TTC28: variants seen among roughly 807,000 people sequenced by gnomAD.
TTC28 encodes the protein tetratricopeptide repeat protein 28.
Under a neutral mutation model 198.0 loss-of-function variants are expected in TTC28, and 61 were observed. The observed-to-expected ratio is 0.31, with a 90% CI of 0.25 to 0.38. The LOEUF is 0.38. Among genes scored for constraint, TTC28 ranks in the 10% least tolerant of loss-of-function variants. The probability of loss-of-function intolerance (pLI) is 1.00; values close to 1 mark genes in which losing one functional copy is unlikely to be tolerated. For synonymous variants in TTC28, 1,171 were observed against 1,297.8 expected, an observed-to-expected ratio of 0.90 and a Z score of 2.10; for missense variants, 2,678 against 3,164.0, an observed-to-expected ratio of 0.85 and a Z score of 3.69.
chr22:28,439,413 G>A (rs927122150), intron 2 of TTC28, among the ~76,000 whole-genome samples: 1 of 152,172 alleles, frequency 6.6e-6, no homozygotes, highest in Non-Finnish European at 1.5e-5. Flanking sequence ...CAAAGCTCTG[G>A]CTAACATTCA....
rs1483670199 is a variant in TTC28 at position 28,108,108 on chromosome 22, G to T, written c.1737C>A (p.Asn579Lys). ...AHDRALQHYQ[N>K]HLNIARELRD... ...GTAGCTCCCGGGCGATGTTCAAGTGGTTCTGATAGTGTTGCAGGGCCCGGT... is the reference window on the plus strand; with the variant it reads ...GTAGCTCCCGGGCGATGTTCAAGTGTTTCTGATAGTGTTGCAGGGCCCGGT... Residue 579 changes from asparagine (N) to lysine (K), a missense_variant, in exon 7 of 23, where the codon AAC (asparagine) becomes AAA (lysine). Transcript: ENST00000397906. 3.9e-6 allele frequency: 6 copies of T among 1,551,694 alleles called. No individual in the cohort carries two copies. Among genetic ancestry groups the T allele is most frequent in the Non-Finnish European group, 5.2e-6 (6 of 1,146,986 alleles).
chr22:28,605,474 T>C (rs1486901066), intron 2 of TTC28, among the ~76,000 whole-genome samples: 2 of 152,220 alleles, frequency 1.3e-5, no homozygotes, highest in Admixed American at 6.5e-5. Context: ...CACTTCTTTG[T>C]GCCCTCTAAC....
At chr22:28,661,507 A>T (rs2051746565) in intron 1 of TTC28, among the ~76,000 whole-genome samples, 1 of 152,044 alleles carries the variant, frequency 6.6e-6, no homozygotes, top group African/African-American at 2.4e-5. Flanking sequence ...GTAGCTTGGA[A>T]CTACTGGGTT....
chr22:28,482,499 C>T (rs2048265373), intron 2 of TTC28, among the ~76,000 whole-genome samples: 1 of 151,682 alleles, frequency 6.6e-6, no homozygotes, highest in Admixed American at 6.6e-5. Context: ...TGAGCCACCG[C>T]GCCCGGCCAG....
chr22:28,163,045 C>T, intron 6 of TTC28, 47 bp downstream of exon 6: 2 of 1,487,616 alleles, frequency 1.3e-6, no homozygotes, highest in Non-Finnish European at 8.9e-7. Flanking sequence ...CAGCTATTTC[C>T]AGCTCATGAC....
chr22:28,476,155 C>T (rs1184464168), intron 2 of TTC28, among the ~76,000 whole-genome samples: 1 of 152,182 alleles, frequency 6.6e-6, no homozygotes, highest in Admixed American at 6.5e-5. Flanking sequence ...TACCTGCCTC[C>T]TGCCTGAGAA....
chr22:28,013,206 G>C (rs894524800), intron 14 of TTC28, among the ~76,000 whole-genome samples: 1 of 152,246 alleles, frequency 6.6e-6, no homozygotes, highest in African/African-American at 2.4e-5. Flanking sequence ...GAGAGCTGCT[G>C]AAGGCCACTC....
chr22:28,431,414 C>T (rs2047427624), intron 2 of TTC28, among the ~76,000 whole-genome samples: 1 of 152,124 alleles, frequency 6.6e-6, no homozygotes, highest in South Asian at 2.1e-4. Context: ...TTAACAAAAA[C>T]TGTACAATTT....
At chr22:28,419,519 A>T (rs1230124840) in intron 2 of TTC28, among the ~76,000 whole-genome samples, 1 of 152,230 alleles carries the variant, frequency 6.6e-6, no homozygotes, top group African/African-American at 2.4e-5. Flanking sequence ...CTAAATTTAC[A>T]TACCAAAAGA....
intron 2 of TTC28, among the ~76,000 whole-genome samples, chr22:28,317,574 A>G (rs1401777720): frequency 6.6e-6 from 1 of 152,096 alleles, no homozygotes; most frequent in East Asian, 1.9e-4. Context: ...AGCCTATCCT[A>G]TACTTTTCAC....
intron 2 of TTC28, among the ~76,000 whole-genome samples, chr22:28,613,461 C>T (rs2050853216): frequency 6.6e-6 from 1 of 152,184 alleles, no homozygotes; most frequent in South Asian, 2.1e-4. Flanking sequence ...AAGCCAGCAT[C>T]ATCCTGATAC....
At chr22:28,663,204 T>C (rs2051778159) in intron 1 of TTC28, among the ~76,000 whole-genome samples, 1 of 145,486 alleles carries the variant, frequency 6.9e-6, no homozygotes, top group Non-Finnish European at 1.5e-5. Flanking sequence ...GCCGAGATAG[T>C]GCCGCTGCAC....
intron 2 of TTC28, among the ~76,000 whole-genome samples, chr22:28,317,416 C>T (rs368588800): frequency 6.6e-6 from 1 of 152,126 alleles, no homozygotes; most frequent in Non-Finnish European, 1.5e-5. Flanking sequence ...GTTTAACAAA[C>T]AATTTACCTA....
At chr22:28,246,028 T>G (rs929922729) in intron 5 of TTC28, among the ~76,000 whole-genome samples, 1 of 152,220 alleles carries the variant, frequency 6.6e-6, no homozygotes, top group Admixed American at 6.6e-5. Flanking sequence ...ACATCTTCCA[T>G]GAAGCTAAAA....
At chr22:28,140,445 C>T (rs1012262848) in intron 6 of TTC28, among the ~76,000 whole-genome samples, 2 of 152,212 alleles carry the variant, frequency 1.3e-5, no homozygotes, top group Non-Finnish European at 2.9e-5. Flanking sequence ...ACATCAATCC[C>T]ACTCAGACCC....
intron 2 of TTC28, among the ~76,000 whole-genome samples, chr22:28,409,952 C>T (rs990988589): frequency 4.6e-5 from 7 of 151,398 alleles, no homozygotes; most frequent in East Asian, 1.9e-4. Flanking sequence ...GACAGAGTCT[C>T]GCTCTATCAC....
At chr22:28,281,851 C>A (rs2044588413) in intron 5 of TTC28, among the ~76,000 whole-genome samples, 1 of 152,166 alleles carries the variant, frequency 6.6e-6, no homozygotes, top group African/African-American at 2.4e-5. Context: ...TCCTCATATG[C>A]CTGGGAGCTA....
intron 1 of TTC28, among the ~76,000 whole-genome samples, chr22:28,652,880 C>T (rs1448851102): frequency 2.0e-5 from 3 of 152,094 alleles, no homozygotes; most frequent in Non-Finnish European, 4.4e-5. Context: ...TATAAATATG[C>T]ACTCAGTATA....
At chr22:28,365,675 G>T (rs966389928) in intron 2 of TTC28, among the ~76,000 whole-genome samples, 1 of 152,164 alleles carries the variant, frequency 6.6e-6, no homozygotes, top group African/African-American at 2.4e-5. Flanking sequence ...AATAAGAAAA[G>T]AATTAAATCT....
Sources: gnomAD v4.1 joint callset for allele counts (sites outside exome capture counted in the v4.1 genomes callset) on GRCh38, gnomAD v4.1.1 for gene constraint, MANE v1.5 for transcripts, NCBI Gene and HGNC (gene_info 2026-07-23, HGNC 2026-07-21) for gene names.